NUP210: variants seen among roughly 807,000 people sequenced by gnomAD.
The protein encoded by NUP210 is nuclear pore membrane glycoprotein 210.
Under a neutral mutation model 196.0 loss-of-function variants are expected in NUP210, and 151 were observed. That is an observed-to-expected ratio of 0.77 (90% CI 0.67 to 0.88). The LOEUF (loss-of-function observed/expected upper bound fraction) is 0.88, where lower values mean the gene tolerates loss of function less well. Among genes scored for constraint, NUP210 ranks in the 40% least tolerant of loss-of-function variants. The probability of loss-of-function intolerance (pLI) is 0.00; values close to 1 mark genes in which losing one functional copy is unlikely to be tolerated. For missense variants in NUP210, 2,314 were observed against 2,493.7 expected (o/e 0.93, Z 1.53); for synonymous variants, 1,070 against 1,052.7 (o/e 1.02, Z -0.32).
rs1697437722 is a variant in NUP210, at chr3:13,340,628, T to A, written c.3229-330A>T. On this transcript the variant is annotated intron_variant, in intron 23 of 39. Transcript: ENST00000254508. The surrounding 1 kb of genome is among the most constrained non-coding windows in gnomAD (Gnocchi z 4.0). ...ATCCCCTTAGAGCAGCGGTTCTCAG[T>A]GTGTGGTCACTAAGCAGCAATGTCA... is the stretch of plus-strand genomic sequence containing the variant. 6.6e-6 allele frequency among the ~76,000 whole-genome samples: 1 copy of A among 152,158 alleles called. No homozygotes were observed. Among genetic ancestry groups the A allele is most frequent in the Non-Finnish European group, 1.5e-5 (1 of 68,010 alleles).
intron 1 of NUP210, among the ~76,000 whole-genome samples, chr3:13,411,334 A>G (rs2124962694): frequency 6.6e-6 from 1 of 152,302 alleles, no homozygotes; most frequent in Non-Finnish European, 1.5e-5. Context: ...GGCATCTGAG[A>G]GTGAGTGTGG....
chr3:13,386,484 G>C (rs1167598600), intron 5 of NUP210, 77 bp from the exon 6 acceptor site: 7 of 1,552,048 alleles, frequency 4.5e-6, no homozygotes, highest in African/African-American at 4.1e-5. Flanking sequence ...AAGAGAAAGA[G>C]ATGTTTTAAA....
rs1454165779 is a variant in NUP210 at position 13,337,844 on chromosome 3, C to T, written c.3545G>A (p.Gly1182Asp). 1 of 1,610,256 alleles carries T rather than the reference C, an allele frequency of 6.2e-7. No individual in the cohort carries two copies. The highest frequency in any genetic ancestry group is 8.5e-7 in the Non-Finnish European group (1 of 1,179,174). Residue 1182 changes from glycine to aspartate, a missense_variant, in exon 26 of 40, where the codon GGC becomes GAC. Coordinates refer to ENST00000254508, the MANE Select transcript of NUP210 (RefSeq NM_024923.4). ...IRAPIMRMRT[G>D]TQMPIYVTGI... Reference sequence around the variant, plus strand: ...CCCAGGAGGTCCCCTCACCTGGGTGCCCGTCCTCATCCGCATGATGGGGGC... The same window carrying T: ...CCCAGGAGGTCCCCTCACCTGGGTGTCCGTCCTCATCCGCATGATGGGGGC...
intron 2 of NUP210, among the ~76,000 whole-genome samples, chr3:13,398,915 C>T (rs1436949759): frequency 1.3e-5 from 2 of 152,056 alleles, no homozygotes; most frequent in East Asian, 1.9e-4. Context: ...GCCTGGGTGA[C>T]AGAGTAAGTC....
chr3:13,318,359 G>A lies in NUP210; in HGVS notation c.5564-578C>T, dbSNP rs138274229. ...AAGTCGTCAGGCAGAAGACAAGGGC[G>A]TGTGGGCTCTCCTTACCCAGGAAAG... On this transcript the variant is annotated intron_variant, in intron 39 of 39. Transcript: ENST00000254508. Among the ~76,000 whole-genome samples the A allele has an allele frequency of 6.7e-3, 1,023 of 152,292 alleles. 13 individuals are homozygous for A. Among genetic ancestry groups the A allele is most frequent in the Middle Eastern group, 0.014 (4 of 294 alleles).
intron 20 of NUP210, chr3:13,345,053 G>A (rs2124867193): frequency 2.0e-6 from 2 of 985,410 alleles, no homozygotes; most frequent in South Asian, 9.4e-5. Context: ...GCACTCACAT[G>A]CCCTCGGGAC....
Position 13,399,445 on chromosome 3 carries a change from A to G in NUP210, c.304+280T>C, listed in dbSNP as rs549968947. Among the ~76,000 whole-genome samples, 3 of 152,324 alleles carry G rather than the reference A, an allele frequency of 2.0e-5. No homozygotes were observed. In the East Asian group the frequency reaches 5.8e-4, roughly 29 times the overall value. ...TCTCACAGATTAGGACAACTGTCAT[A>G]GTAATGAGTTGCTACCCATTAAGAG... On this transcript the variant is annotated intron_variant, in intron 2 of 39. Coordinates refer to ENST00000254508, the MANE Select transcript of NUP210 (RefSeq NM_024923.4).
chr3:13,399,937 G>A lies in NUP210; in HGVS notation c.168-76C>T. 2.6e-6 allele frequency: 4 copies of A among 1,511,474 alleles called. No homozygotes were observed. In the South Asian group the frequency reaches 3.9e-5, roughly 15 times the overall value. The allele number at this position is 1,511,474 out of a possible 1,614,324, so 93.6% of individuals were successfully genotyped here. A position where few individuals can be genotyped will look rare whatever the true frequency, so the allele number is the denominator to read the frequency against. On this transcript the variant is annotated intron_variant, in intron 1 of 39. Coordinates refer to ENST00000254508, the MANE Select transcript of NUP210 (RefSeq NM_024923.4). ...CAGTGGGGTCCAGACACCAGGCTGTGGCACCCGTCTAGGGCGCAGTCCTGG... is the reference window on the plus strand; with the variant it reads ...CAGTGGGGTCCAGACACCAGGCTGTAGCACCCGTCTAGGGCGCAGTCCTGG...
At chr3:13,337,136 C>T in intron 26 of NUP210, 1 of 458,962 alleles carries the variant, frequency 2.2e-6, no homozygotes, top group South Asian at 2.0e-5. Flanking sequence ...CAGCGGGCTG[C>T]ACCTCTCCAT....
At chr3:13,343,364 C>T (rs1341753011) in intron 20 of NUP210, 61 bp from the exon 21 acceptor site, 1 of 1,576,188 alleles carries the variant, frequency 6.3e-7, no homozygotes, top group Admixed American at 1.8e-5. Context: ...CAGGGCCCCC[C>T]TCTGCTCAGG....
Position 13,339,903 on chromosome 3 carries a change from A to G in NUP210, c.3422T>C (p.Leu1141Pro), listed in dbSNP as rs1210369299. 2.5e-6 allele frequency: 4 copies of G among 1,613,898 alleles called. No homozygotes were observed. The highest frequency in any genetic ancestry group is 2.2e-5 in the East Asian group (1 of 44,898). ...GGTCTCTGCATCCACTGCCTGCACG[A>G]GCCCAGACACAGTGCCGTTCCCGAT... ...LAIGNGTVSG[L>P]VQAVDAETGK... The change falls in exon 25 of 40, where the codon CTC becomes CCC. Residue 1141 changes from leucine to proline, a missense_variant. Leu to Pro is a moderately conservative substitution (Grantham distance 98). Coordinates refer to ENST00000254508, the MANE Select transcript of NUP210 (RefSeq NM_024923.4).
rs557030 is a variant in NUP210 at position 13,316,250 on chromosome 3, G to A, written c.*1431C>T. The A allele has an allele frequency of 4.6e-5, 7 of 152,216 alleles. No individual in the cohort carries two copies. The highest frequency in any genetic ancestry group is 2.4e-5 in the African/African-American group (1 of 41,450). 9.4% of individuals were successfully genotyped at this position (152,216 alleles called of 1,614,324 possible). A position where few individuals can be genotyped will look rare whatever the true frequency, so the allele number is the denominator to read the frequency against. Reference sequence around the variant, plus strand: ...TCACACCCTCTTAAAAAATCACATAGAACTTTATTAAATAAACCAGTAGAA... The same window carrying A: ...TCACACCCTCTTAAAAAATCACATAAAACTTTATTAAATAAACCAGTAGAA... On this transcript the variant is annotated 3_prime_UTR_variant, in exon 40 of 40. Transcript: ENST00000254508.
chr3:13,335,036 G>A (rs1008023601), intron 28 of NUP210, among the ~76,000 whole-genome samples: 4 of 152,210 alleles, frequency 2.6e-5, no homozygotes, highest in Admixed American at 2.6e-4. Context: ...AGGACTGGAG[G>A]CAGCAATACT....
chr3:13,354,226 G>A (rs1698088873), intron 16 of NUP210, 119 bp from the exon 17 acceptor site: 2 of 835,792 alleles, frequency 2.4e-6, no homozygotes, highest in African/African-American at 3.4e-5. Flanking sequence ...GCTGGTGAGG[G>A]AATGGGATAT....
rs188288316 is a variant in NUP210 at position 13,374,751 on chromosome 3, G to A, written c.1431+753C>T. 5.9e-4 allele frequency among the ~76,000 whole-genome samples: 90 copies of A among 152,264 alleles called. No homozygotes were observed. The East Asian group carries it at 0.011, about 19-fold the overall frequency. The stretch of plus-strand genomic sequence containing the variant: ...CCTCATTGTCTGCTGGGAGGTCAGC[G>A]ACTGCACCTCTGCTCCCAGACCAGA... On this transcript the variant is annotated intron_variant, in intron 11 of 39. Transcript: ENST00000254508.
intron 14 of NUP210, 142 bp from the exon 15 acceptor site, chr3:13,360,633 G>A (rs193302026): frequency 1.3e-4 from 78 of 623,868 alleles, no homozygotes; most frequent in African/African-American, 1.2e-3. Context: ...ACTCATTCTC[G>A]TCATCTGCAG....
chr3:13,402,249 T>C (rs538559870), intron 1 of NUP210, among the ~76,000 whole-genome samples: 55 of 152,024 alleles, frequency 3.6e-4, no homozygotes, highest in Middle Eastern at 3.4e-3. Flanking sequence ...ATAAAGAAAA[T>C]AAAGTCTATG....
rs187462653 is a variant in NUP210, at chr3:13,339,959, C to T, written c.3366G>A (p.Val1122=). Residue 1122 remains valine (V), a synonymous_variant, in exon 25 of 40, where the codon GTG becomes GTA. Transcript: ENST00000254508. ...GGCCCTGTACCAGCCCAGCAGCGCT[C>T]ACCAGCGCAACGCTCTCATTGCTGA... is the stretch of plus-strand genomic sequence containing the variant. ...FSISNESVAL[V]SAAGLVQGLA... 58 of 1,614,072 alleles carry T rather than the reference C, an allele frequency of 3.6e-5. No individual in the cohort carries two copies. In the East Asian group the frequency reaches 1.2e-3, roughly 35 times the overall value.
chr3:13,349,372 C>T (rs1401786622), intron 20 of NUP210, among the ~76,000 whole-genome samples: 2 of 152,216 alleles, frequency 1.3e-5, no homozygotes, highest in Non-Finnish European at 2.9e-5. Flanking sequence ...GAGACTGAGT[C>T]CCAGGAAAGT....
Sources: allele counts gnomAD v4.1 joint callset (sites outside exome capture counted in the v4.1 genomes callset), GRCh38; gene constraint gnomAD v4.1.1; non-coding constraint Gnocchi (gnomAD v3.1); transcripts MANE v1.5; gene names NCBI Gene and HGNC (gene_info 2026-07-23, HGNC 2026-07-21).